MYO3A: variants seen among roughly 807,000 people sequenced by gnomAD.
MYO3A encodes myosin-IIIa.
MYO3A carries 180 observed loss-of-function variants against 192.7 expected under a neutral mutation model. The observed-to-expected ratio is 0.93, with a 90% CI of 0.83 to 1.06. The LOEUF (loss-of-function observed/expected upper bound fraction) is 1.06, where lower values mean the gene tolerates loss of function less well. MYO3A is among the 50% of genes least tolerant of loss of function. The pLI, the probability that MYO3A is intolerant of heterozygous loss-of-function variation, is 0.00. For synonymous variants in MYO3A, 628 were observed against 645.3 expected (o/e 0.97, Z 0.41); for missense variants, 1,896 against 1,905.0 (o/e 1.00, Z 0.09).
At chr10:26,201,515 C>A (rs899855942) in intron 33 of MYO3A, among the ~76,000 whole-genome samples, 7 of 150,866 alleles carry the variant, frequency 4.6e-5, no homozygotes, top group African/African-American at 1.7e-4. Flanking sequence ...CCCGTCTCTA[C>A]TAAAAATACA....
intron 17 of MYO3A, among the ~76,000 whole-genome samples, chr10:26,115,961 C>T (rs1347525657): frequency 6.6e-6 from 1 of 152,134 alleles, no homozygotes; most frequent in East Asian, 1.9e-4. Context: ...ATTTAAGTCA[C>T]AAGACTAATT....
rs769462859 is a variant in MYO3A, at chr10:26,128,448, C to CA, written c.2180dup (p.Asn727LysfsTer9). On this transcript the variant is annotated frameshift_variant, in exon 20 of 35. Transcript: ENST00000642920. LOFTEE classifies it high-confidence loss of function. Reference sequence around the variant, plus strand: ...TTGATATATTTGGCTTTGAAAATTTCAAAAAAAATTCCTTCGAGCAGCTGT... The same window carrying CA: ...TTGATATATTTGGCTTTGAAAATTTCAAAAAAAAATTCCTTCGAGCAGCTGT... 6.2e-6 allele frequency: 10 copies of CA among 1,611,758 alleles called. No individual in the cohort carries two copies. The Middle Eastern group carries it at 4.9e-4, about 80-fold the overall frequency.
intron 31 of MYO3A, among the ~76,000 whole-genome samples, chr10:26,183,494 G>T (rs969006123): frequency 2.0e-5 from 3 of 152,202 alleles, no homozygotes; most frequent in African/African-American, 7.2e-5. Context: ...CTGCACTCCA[G>T]CCTGGGCAAC....
intron 2 of MYO3A, among the ~76,000 whole-genome samples, chr10:25,944,062 G>C (rs983098530): frequency 6.6e-6 from 1 of 151,726 alleles, no homozygotes; most frequent in Non-Finnish European, 1.5e-5. Context: ...ATTATGTCAA[G>C]GTCGTTTTTT....
chr10:26,032,704 G>A (rs930597548), intron 10 of MYO3A, among the ~76,000 whole-genome samples: 1 of 151,492 alleles, frequency 6.6e-6, no homozygotes, highest in Admixed American at 6.6e-5. Flanking sequence ...TTTATGTAAT[G>A]TAAATTCGCT....
chr10:26,095,739 A>G (rs907351025), intron 15 of MYO3A, among the ~76,000 whole-genome samples: 1 of 152,236 alleles, frequency 6.6e-6, no homozygotes, highest in East Asian at 1.9e-4. Context: ...TAGTTATGCT[A>G]CTTAGAATCA....
chr10:26,173,036 A>T (rs1842125106), intron 29 of MYO3A, among the ~76,000 whole-genome samples: 1 of 149,140 alleles, frequency 6.7e-6, no homozygotes, highest in Admixed American at 6.8e-5. Flanking sequence ...TGCTCTTGTA[A>T]GGGTTTTGCC....
chr10:26,205,750 G>C (rs12263182), intron 34 of MYO3A, among the ~76,000 whole-genome samples: 2,824 of 150,624 alleles, frequency 0.019, 91 homozygotes, highest in African/African-American at 0.064. Flanking sequence ...CCAAGTAGCT[G>C]GGACTACAGG....
chr10:25,976,804 C>T (rs1042381103), intron 4 of MYO3A, among the ~76,000 whole-genome samples: 6 of 152,146 alleles, frequency 3.9e-5, no homozygotes, highest in South Asian at 2.1e-4. Flanking sequence ...TATAAAATCC[C>T]CCTTTTAGTC....
intron 4 of MYO3A, among the ~76,000 whole-genome samples, chr10:25,966,371 C>T (rs1467100349): frequency 6.6e-6 from 1 of 152,148 alleles, no homozygotes; most frequent in Admixed American, 6.5e-5. Flanking sequence ...GAACAAGACA[C>T]TCTGCCATCA....
intron 15 of MYO3A, among the ~76,000 whole-genome samples, chr10:26,095,702 G>A (rs1467237224): frequency 1.3e-5 from 2 of 152,144 alleles, no homozygotes; most frequent in Non-Finnish European, 1.5e-5. Context: ...TTCCCTTAAT[G>A]GCATTATTGC....
At chr10:26,206,336 C>G (rs1301617445) in intron 34 of MYO3A, among the ~76,000 whole-genome samples, 1 of 151,892 alleles carries the variant, frequency 6.6e-6, no homozygotes, top group Non-Finnish European at 1.5e-5. Flanking sequence ...GCTAAGATTA[C>G]AGGCGTGAGC....
chr10:26,120,722 G>A lies in MYO3A; in HGVS notation c.1823G>A (p.Gly608Asp), dbSNP rs767612558. The change falls in exon 18 of 35, where the codon GGC becomes GAC. Residue 608 changes from glycine to aspartate, a missense_variant. Physicochemically the swap from Gly to Asp is moderately conservative, Grantham distance 94. Transcript: ENST00000642920. ...YSILAAILNV[G>D]NIEFSSVATE... ...ATACTCGCTGCAATCTTGAATGTTG[G>A]CAACATTGAATTTTCTTCTGTGGCA... The A allele has an allele frequency of 4.3e-6, 7 of 1,613,968 alleles. No homozygotes were observed. Among genetic ancestry groups the A allele is most frequent in the Non-Finnish European group, 5.9e-6 (7 of 1,179,964 alleles).
intron 14 of MYO3A, among the ~76,000 whole-genome samples, chr10:26,074,112 G>A (rs1477975291): frequency 6.6e-6 from 1 of 151,998 alleles, no homozygotes; most frequent in Non-Finnish European, 1.5e-5. Context: ...TACAATTTAT[G>A]CCTGTAAAAA....
chr10:26,100,861 A>G (rs1837398625), intron 17 of MYO3A, among the ~76,000 whole-genome samples: 1 of 152,204 alleles, frequency 6.6e-6, no homozygotes, highest in Non-Finnish European at 1.5e-5. Context: ...GCTGAGAAGA[A>G]TGTATATTCT....
chr10:25,979,464 A>G (rs1325298041), intron 4 of MYO3A, among the ~76,000 whole-genome samples: 3 of 151,990 alleles, frequency 2.0e-5, no homozygotes, highest in African/African-American at 7.2e-5. Context: ...GATAAATTTG[A>G]ATCACCCAAC....
chr10:25,992,443 A>G (rs1052961163), intron 4 of MYO3A, among the ~76,000 whole-genome samples: 1 of 152,382 alleles, frequency 6.6e-6, no homozygotes, highest in East Asian at 1.9e-4. Flanking sequence ...ATATACAATC[A>G]TGTCATCTGC....
At chr10:26,108,664 A>G (rs528238569) in intron 17 of MYO3A, among the ~76,000 whole-genome samples, 1 of 152,324 alleles carries the variant, frequency 6.6e-6, no homozygotes, top group Non-Finnish European at 1.5e-5. Context: ...TGCTTTTGGC[A>G]TATTCTCCAA....
At chr10:25,985,630 C>G (rs112089229) in intron 4 of MYO3A, among the ~76,000 whole-genome samples, 4,568 of 152,162 alleles carry the variant, frequency 0.03, 120 homozygotes, top group Middle Eastern at 0.068. Flanking sequence ...TGTAACCCTC[C>G]TAGATAAAAC....
Sources: gnomAD v4.1 joint callset for allele counts (sites outside exome capture counted in the v4.1 genomes callset) on GRCh38, gnomAD v4.1.1 for gene constraint, MANE v1.5 for transcripts, NCBI Gene and HGNC (gene_info 2026-07-23, HGNC 2026-07-21) for gene names.